Variants in FGF14 observed in about 807,000 individuals in gnomAD.
The protein encoded by FGF14 is fibroblast growth factor 14.
Under a neutral mutation model 25.5 loss-of-function variants are expected in FGF14, and 5 were observed. The ratio of observed to expected loss-of-function variants is 0.20; its 90% CI spans 0.10 to 0.41. The LOEUF (loss-of-function observed/expected upper bound fraction) is 0.41. FGF14 is among the 10% of genes least tolerant of loss of function. The probability of loss-of-function intolerance (pLI) is 1.00; values close to 1 mark genes in which losing one functional copy is unlikely to be tolerated. For missense variants in FGF14, 222 were observed against 320.1 expected (o/e 0.69, Z 2.34); for synonymous variants, 138 against 118.3 (o/e 1.17, Z -1.08).
At chr13:101,804,277 C>A (rs2041071661) in intron 3 of FGF14, among the ~76,000 whole-genome samples, 1 of 151,790 alleles carries the variant, frequency 6.6e-6, no homozygotes, top group African/African-American at 2.4e-5. Context: ...AAAGTGGGTC[C>A]CAGAGTAGAT....
At chr13:101,949,298 T>A (rs913574222) in intron 1 of FGF14, among the ~76,000 whole-genome samples, 1 of 152,162 alleles carries the variant, frequency 6.6e-6, no homozygotes, top group Non-Finnish European at 1.5e-5. Flanking sequence ...TACTTTCTAA[T>A]GCGATCACTG....
chr13:102,203,187 T>C (rs2049747810), intron 1 of FGF14, among the ~76,000 whole-genome samples: 1 of 152,240 alleles, frequency 6.6e-6, no homozygotes, highest in Admixed American at 6.5e-5. Context: ...TCTTCTTAAT[T>C]ATGTTTTATG....
chr13:101,888,342 A>C (rs1175711482), intron 1 of FGF14, among the ~76,000 whole-genome samples: 2 of 152,192 alleles, frequency 1.3e-5, no homozygotes, highest in East Asian at 3.9e-4. Context: ...CTGAAAAAGT[A>C]CTGGACTGTA....
At chr13:102,276,393 TTCA>T (rs1332272978) in intron 1 of FGF14, among the ~76,000 whole-genome samples, 2 of 141,926 alleles carry the variant, frequency 1.4e-5, no homozygotes, top group East Asian at 2.1e-4. Flanking sequence ...ACATTATTGG[TTCA>T]TCATTTCTGA....
chr13:101,861,370 A>G (rs776650825), intron 3 of FGF14, among the ~76,000 whole-genome samples: 1 of 151,876 alleles, frequency 6.6e-6, no homozygotes, highest in Non-Finnish European at 1.5e-5. Context: ...TCTGGGCTTT[A>G]TTTTCTTAGT....
At chr13:102,101,761 G>A (rs1390285272) in intron 1 of FGF14, among the ~76,000 whole-genome samples, 1 of 151,932 alleles carries the variant, frequency 6.6e-6, no homozygotes, top group African/African-American at 2.4e-5. Context: ...CTGGAGTACA[G>A]TGGCATGATC....
At chr13:102,011,621 C>T (rs1264254338) in intron 1 of FGF14, among the ~76,000 whole-genome samples, 5 of 152,124 alleles carry the variant, frequency 3.3e-5, no homozygotes, top group African/African-American at 1.2e-4. Context: ...GCATAGAGAG[C>T]AGCTCAGACA....
At chr13:101,875,803 C>T (rs547273021) in intron 1 of FGF14, among the ~76,000 whole-genome samples, 1 of 152,032 alleles carries the variant, frequency 6.6e-6, no homozygotes, top group Non-Finnish European at 1.5e-5. Flanking sequence ...GATACATATT[C>T]TTAGGAAAAG....
chr13:101,837,349 G>C (rs982875634), intron 3 of FGF14, among the ~76,000 whole-genome samples: 1 of 152,060 alleles, frequency 6.6e-6, no homozygotes, highest in Non-Finnish European at 1.5e-5. Context: ...TGTGAGCTCT[G>C]CTATGCCAGT....
At chr13:102,213,204 C>T (rs1417523871) in intron 1 of FGF14, among the ~76,000 whole-genome samples, 2 of 152,180 alleles carry the variant, frequency 1.3e-5, no homozygotes, top group Non-Finnish European at 2.9e-5. Context: ...GGGAATTCTG[C>T]CGTTACCTTT....
rs1009341555 is a variant in FGF14 at position 102,162,809 on chromosome 13, G to T, written c.208+238662C>A. 3.9e-5 allele frequency among the ~76,000 whole-genome samples: 6 copies of T among 152,234 alleles called. No homozygotes were observed. The South Asian group carries it at 1.2e-3, about 31-fold the overall frequency. On this transcript the variant is annotated intron_variant, in intron 1 of 4. Coordinates refer to the FGF14 transcript ENST00000376131. ...CCCCAGCCTTGTGTTGAAATGAGCT[G>T]CCAGGTTTTTTCTATTGTATGTGCA... is the stretch of plus-strand genomic sequence containing the variant.
intron 1 of FGF14, among the ~76,000 whole-genome samples, chr13:102,021,023 G>A (rs1308024847): frequency 1.3e-5 from 2 of 151,934 alleles, no homozygotes; most frequent in African/African-American, 4.8e-5. Context: ...TTGATTAGTG[G>A]TTTTGGAAGT....
At chr13:101,946,427 T>C (rs2035811942) in intron 1 of FGF14, among the ~76,000 whole-genome samples, 1 of 152,104 alleles carries the variant, frequency 6.6e-6, no homozygotes, top group East Asian at 1.9e-4. Context: ...TGGATGTTTT[T>C]TGATAACAGA....
chr13:101,791,448 T>C (rs1004791640), intron 3 of FGF14, among the ~76,000 whole-genome samples: 1 of 152,146 alleles, frequency 6.6e-6, no homozygotes, highest in Admixed American at 6.6e-5. Context: ...TCTCAAAATA[T>C]AGTAGTCGAC....
At chr13:101,835,026 T>C (rs2042853649) in intron 3 of FGF14, among the ~76,000 whole-genome samples, 1 of 152,070 alleles carries the variant, frequency 6.6e-6, no homozygotes, top group African/African-American at 2.4e-5. Flanking sequence ...TATCTGGAAA[T>C]AAGAGAAAGA....
chr13:101,993,218 AAAC>A (rs1226105298), intron 1 of FGF14, among the ~76,000 whole-genome samples: 1 of 151,502 alleles, frequency 6.6e-6, no homozygotes, highest in Non-Finnish European at 1.5e-5. Flanking sequence ...ACACAAACAA[AAAC>A]AACTACCAAC....
At chr13:102,387,352 T>C (rs1025403453) in intron 1 of FGF14, among the ~76,000 whole-genome samples, 6 of 152,224 alleles carry the variant, frequency 3.9e-5, no homozygotes, top group Non-Finnish European at 8.8e-5. Flanking sequence ...AGTTGTGCTT[T>C]TAGCCAACTG....
intron 3 of FGF14, among the ~76,000 whole-genome samples, chr13:101,862,633 G>C (rs2044480675): frequency 6.6e-6 from 1 of 152,002 alleles, no homozygotes; most frequent in South Asian, 2.1e-4. Context: ...GGCATTCTTG[G>C]ACATAACCAA....
chr13:102,108,310 T>C (rs566158225), intron 1 of FGF14, among the ~76,000 whole-genome samples: 1 of 152,352 alleles, frequency 6.6e-6, no homozygotes, highest in African/African-American at 2.4e-5. Flanking sequence ...CACATTTTCC[T>C]ACTTATTACT....
Sources: allele counts gnomAD v4.1 joint callset (sites outside exome capture counted in the v4.1 genomes callset), GRCh38; gene constraint gnomAD v4.1.1; transcripts MANE v1.5; gene names NCBI Gene and HGNC (gene_info 2026-07-23, HGNC 2026-07-21).